The following ZC3HAV1 variants were observed in gnomAD, a reference collection of about 807,000 sequenced individuals.
The protein encoded by ZC3HAV1 is zinc finger CCCH-type containing, antiviral 1.
Under a neutral mutation model 86.6 loss-of-function variants are expected in ZC3HAV1, and 41 were observed. The ratio of observed to expected loss-of-function variants is 0.47; its 90% CI spans 0.37 to 0.61. The LOEUF (loss-of-function observed/expected upper bound fraction) is 0.61. Ranked by LOEUF, ZC3HAV1 falls within the 20% of genes least tolerant of loss-of-function variation. ZC3HAV1 has a pLI of 0.00. For missense variants in ZC3HAV1, 964 were observed against 1,141.1 expected (o/e 0.84, Z 2.24); for synonymous variants, 421 against 432.1 (o/e 0.97, Z 0.32).
At position 139,076,318 on chromosome 7, in the gene ZC3HAV1, G is replaced by C. The variant is rs770670780; in HGVS notation, c.1665C>G (p.Ile555Met). The C allele has an allele frequency of 9.3e-6, 15 of 1,614,030 alleles. No individual in the cohort carries two copies. Among genetic ancestry groups the C allele is most frequent in the Non-Finnish European group, 1.3e-5 (15 of 1,180,036 alleles). The change falls in exon 6 of 13, where the codon ATC (isoleucine) becomes ATG (methionine). Residue 555 changes from isoleucine (I) to methionine (M), a missense_variant. Ile to Met is a conservative substitution (Grantham distance 10, BLOSUM62 1). Transcript: ENST00000242351. Reference sequence around the variant, plus strand: ...TTCCGGGGTTACAGTAGCCTTTCTCGATCGTCTCCATGTGCTCAAAGTCCG... The same window carrying C: ...TTCCGGGGTTACAGTAGCCTTTCTCCATCGTCTCCATGTGCTCAAAGTCCG... ...TWTDFEHMETIEKGYCNPGIH... is the reference protein window; with the variant it reads ...TWTDFEHMETMEKGYCNPGIH...
chr7:139,103,204 C>T (rs1817828823), intron 1 of ZC3HAV1, among the ~76,000 whole-genome samples: 1 of 149,918 alleles, frequency 6.7e-6, no homozygotes, highest in Non-Finnish European at 1.5e-5. Context: ...CCACGCCCAG[C>T]TAATATTTTT....
chr7:139,087,401 C>G (rs944630007), intron 2 of ZC3HAV1, among the ~76,000 whole-genome samples: 1 of 141,032 alleles, frequency 7.1e-6, no homozygotes, highest in Admixed American at 7.1e-5. Flanking sequence ...GAGAGAGAGA[C>G]AGAGGGACAG....
Position 139,072,365 on chromosome 7 carries a change from T to C in ZC3HAV1, c.1872+1491A>G, listed in dbSNP as rs182492420. ...ACACCCAGCTAATTTTTTGTATTTT[T>C]AGTAGAGACAGGGTTTCACCATGTT... is the stretch of plus-strand genomic sequence containing the variant. On this transcript the variant is annotated intron_variant, in intron 7 of 12. Transcript: ENST00000242351. Among the ~76,000 whole-genome samples the C allele has an allele frequency of 2.3e-4, 35 of 152,182 alleles. No individual in the cohort carries two copies. The East Asian group carries it at 6.4e-3, about 28-fold the overall frequency.
At chr7:139,099,432 A>G (rs1817690242) in intron 1 of ZC3HAV1, among the ~76,000 whole-genome samples, 1 of 152,252 alleles carries the variant, frequency 6.6e-6, no homozygotes, top group Non-Finnish European at 1.5e-5. Context: ...TAGTGAAAGA[A>G]GCAGACACAA....
Position 139,053,493 on chromosome 7 carries a change from C to A in ZC3HAV1, c.2407G>T (p.Asp803Tyr). The A allele has an allele frequency of 6.2e-7, 1 of 1,602,622 alleles. No individual in the cohort carries two copies. The highest frequency in any genetic ancestry group is 2.2e-5 in the East Asian group (1 of 44,534). ...YVESICSNNF[D>Y]SFLHETHENK... ...TCATGAGTTTCATGTAGGAAACTGT[C>A]AAAATTATTCGAACAGATAGATTCC... Residue 803 changes from aspartate (D) to tyrosine (Y), a missense_variant, in exon 12 of 13, where the codon GAC becomes TAC. Transcript: ENST00000242351.
intron 7 of ZC3HAV1, among the ~76,000 whole-genome samples, chr7:139,071,681 C>A (rs1027837169): frequency 1.3e-5 from 2 of 152,172 alleles, no homozygotes; most frequent in Admixed American, 6.5e-5. Flanking sequence ...CAGCAGAACT[C>A]TGTTCCACAG....
Position 139,109,672 on chromosome 7 carries a change from T to C in ZC3HAV1, c.-341A>G, listed in dbSNP as rs371185766. 2.1e-4 allele frequency: 51 copies of C among 242,946 alleles called. No individual in the cohort carries two copies. The highest frequency in any genetic ancestry group is 1.0e-3 in the African/African-American group (46 of 44,630). The allele number at this position is 242,946 out of a possible 1,614,324, so 15.0% of individuals were successfully genotyped here. A position where few individuals can be genotyped will look rare whatever the true frequency, so the allele number is the denominator to read the frequency against. On this transcript the variant is annotated 5_prime_UTR_variant, in exon 1 of 13. Transcript: ENST00000242351. ...TCTAGGCTCGGCGAGGGTGAGGTTC[T>C]CCAGCCGGGCTCCGCGAGCCTTCTT... is the stretch of plus-strand genomic sequence containing the variant.
At position 139,057,684 on chromosome 7, in the gene ZC3HAV1, G is replaced by A. The variant is rs1300660729; in HGVS notation, c.2097-2389C>T. Among the ~76,000 whole-genome samples, 8 of 78,610 alleles carry A rather than the reference G, an allele frequency of 1.0e-4. 3 individuals are homozygous for A. Among genetic ancestry groups the A allele is most frequent in the Non-Finnish European group, 1.7e-4 (7 of 41,052 alleles). 51.6% of individuals were successfully genotyped at this position (78,610 alleles called of 152,430 possible). ...CTCCCGAGTAGCTGGGACTACAGGC[G>A]CCCGCCACCACGCCCGGCTAATTTT... On this transcript the variant is annotated intron_variant, in intron 9 of 12. Coordinates refer to ENST00000242351, the MANE Select transcript of ZC3HAV1 (RefSeq NM_020119.4).
At chr7:139,069,464 T>A (rs77069151) in intron 7 of ZC3HAV1, among the ~76,000 whole-genome samples, 2,385 of 152,268 alleles carry the variant, frequency 0.016, 61 homozygotes, top group African/African-American at 0.054. Context: ...CTTCCACAGC[T>A]GCTAAGCTTA....
At chr7:139,053,172 A>G (rs1816185531) in intron 12 of ZC3HAV1, among the ~76,000 whole-genome samples, 1 of 152,162 alleles carries the variant, frequency 6.6e-6, no homozygotes. Flanking sequence ...AGACAACAAG[A>G]CCAACAGATG....
intron 1 of ZC3HAV1, among the ~76,000 whole-genome samples, chr7:139,097,562 G>T (rs1227344796): frequency 6.7e-6 from 1 of 150,064 alleles, no homozygotes; most frequent in Non-Finnish European, 1.5e-5. Flanking sequence ...AGCCTCCCGA[G>T]TAGCTGGGAT....
chr7:139,053,902 G>A (rs1332269369), intron 11 of ZC3HAV1, 63 bp downstream of exon 11: 2 of 1,541,070 alleles, frequency 1.3e-6, no homozygotes, highest in Non-Finnish European at 1.7e-6. Context: ...AAATCTCAAA[G>A]GACGGATATT....
intron 2 of ZC3HAV1, among the ~76,000 whole-genome samples, chr7:139,087,804 G>A (rs887338846): frequency 6.6e-6 from 1 of 151,882 alleles, no homozygotes; most frequent in African/African-American, 2.4e-5. Context: ...TGAGGCAGGA[G>A]GATCACTTGA....
intron 6 of ZC3HAV1, among the ~76,000 whole-genome samples, chr7:139,075,320 C>T (rs1280060023): frequency 7.9e-5 from 12 of 152,158 alleles, no homozygotes; most frequent in Admixed American, 7.2e-4. Context: ...TGTAACTTTT[C>T]CCCCTTAAGA....
At chr7:139,071,849 G>T (rs1179611331) in intron 7 of ZC3HAV1, among the ~76,000 whole-genome samples, 1 of 152,192 alleles carries the variant, frequency 6.6e-6, no homozygotes, top group Non-Finnish European at 1.5e-5. Flanking sequence ...TGTATCTGCT[G>T]CTAAGACAGT....
chr7:139,069,550 C>A (rs1816707993), intron 7 of ZC3HAV1, among the ~76,000 whole-genome samples: 1 of 152,156 alleles, frequency 6.6e-6, no homozygotes, highest in Admixed American at 6.6e-5. Context: ...GACTCCCAGG[C>A]TCTACCCTCC....
At chr7:139,082,554 T>G (rs928726615) in intron 3 of ZC3HAV1, among the ~76,000 whole-genome samples, 2 of 152,296 alleles carry the variant, frequency 1.3e-5, no homozygotes, top group Admixed American at 1.3e-4. Flanking sequence ...ACACCATGTT[T>G]ACAGCAGCAT....
Position 139,062,189 on chromosome 7 carries a change from CA to C in ZC3HAV1, c.1994-1052del, listed in dbSNP as rs1816461775. Among the ~76,000 whole-genome samples the C allele has an allele frequency of 2.0e-5, 3 of 152,150 alleles. 1 individual carries two copies. On this transcript the variant is annotated intron_variant, in intron 8 of 12. Transcript: ENST00000242351. Reference sequence around the variant, plus strand: ...GTGGTTACACGCATTTGTCAATACTCATCCAACTGCACTCTTAAAATATGAA... The same window carrying C: ...GTGGTTACACGCATTTGTCAATACTCTCCAACTGCACTCTTAAAATATGAA...
intron 1 of ZC3HAV1, among the ~76,000 whole-genome samples, chr7:139,094,298 C>T (rs1817516287): frequency 6.6e-6 from 1 of 151,988 alleles, no homozygotes; most frequent in African/African-American, 2.4e-5. Flanking sequence ...CTCAGGGCCA[C>T]CTCCCCAAAA....
Sources: allele counts gnomAD v4.1 joint callset (sites outside exome capture counted in the v4.1 genomes callset), GRCh38; gene constraint gnomAD v4.1.1; transcripts MANE v1.5; gene names NCBI Gene and HGNC (gene_info 2026-07-23, HGNC 2026-07-21).